Variants in ZNF100 observed in about 807,000 individuals in gnomAD.
ZNF100 encodes the protein zinc finger protein 100 (Y1).
ZNF100 carries 12 observed loss-of-function variants against 15.8 expected under a neutral mutation model. That is an observed-to-expected ratio of 0.76 (90% confidence interval 0.49 to 1.23). The LOEUF (loss-of-function observed/expected upper bound fraction) is 1.23. ZNF100 is among the 50% of genes most tolerant of loss of function. The pLI is 0.00. For synonymous variants in ZNF100, 226 were observed against 214.8 expected, an observed-to-expected ratio of 1.05 and a Z score of -0.45; for missense variants, 670 against 635.6, an observed-to-expected ratio of 1.05 and a Z score of -0.58.
At position 21,726,525 on chromosome 19, in the gene ZNF100, A is replaced by G. The variant is rs181951395; in HGVS notation, c.*158T>C. 144 of 680,044 alleles carry G rather than the reference A, an allele frequency of 2.1e-4. No individual in the cohort carries two copies. Among genetic ancestry groups the G allele is most frequent in the Admixed American group, 9.0e-4 (27 of 29,972 alleles). The allele number at this position is 680,044 out of a possible 1,614,324, so 42.1% of individuals were successfully genotyped here. A position where few individuals can be genotyped will look rare whatever the true frequency, so the allele number is the denominator to read the frequency against. ...GCACTGTCACATCTTTCTGGTTTGTAGAATTTCTCTCTAGTATGAATTATC... is the reference window on the plus strand; with the variant it reads ...GCACTGTCACATCTTTCTGGTTTGTGGAATTTCTCTCTAGTATGAATTATC... On this transcript the variant is annotated 3_prime_UTR_variant, in exon 5 of 5. Coordinates refer to ENST00000358296, the MANE Select transcript of ZNF100 (RefSeq NM_173531.4).
intron 2 of ZNF100, chr19:21,752,540 C>T (rs2036325611): frequency 6.7e-6 from 1 of 148,316 alleles, no homozygotes. Flanking sequence ...AGCATTTTAG[C>T]ATGTCTGCGG....
At chr19:21,758,353 A>C (rs1220773585) in intron 2 of ZNF100, among the ~76,000 whole-genome samples, 1 of 151,892 alleles carries the variant, frequency 6.6e-6, no homozygotes, top group Non-Finnish European at 1.5e-5. Flanking sequence ...GTGACAAAAT[A>C]ATCTACACCA....
chr19:21,745,615 T>C (rs910839502), intron 2 of ZNF100, among the ~76,000 whole-genome samples: 49 of 152,064 alleles, frequency 3.2e-4, no homozygotes, highest in South Asian at 1.2e-3. Context: ...CTCCGCTTCC[T>C]GGGTTCACGC....
chr19:21,732,608 C>G (rs1297830873), intron 4 of ZNF100, among the ~76,000 whole-genome samples: 1 of 150,052 alleles, frequency 6.7e-6, no homozygotes, highest in Non-Finnish European at 1.5e-5. Flanking sequence ...CCTTAAAATA[C>G]ATAACACAAT....
chr19:21,733,986 G>A (rs1298624273), intron 4 of ZNF100, among the ~76,000 whole-genome samples: 1 of 152,204 alleles, frequency 6.6e-6, no homozygotes, highest in Non-Finnish European at 1.5e-5. Context: ...AGACGGGCCT[G>A]ACTGTTAAAG....
At chr19:21,729,772 G>A (rs1183996541) in intron 4 of ZNF100, among the ~76,000 whole-genome samples, 2 of 151,472 alleles carry the variant, frequency 1.3e-5, no homozygotes, top group Non-Finnish European at 2.9e-5. Context: ...GAAAATCAGA[G>A]AAATCATTAT....
chr19:21,746,003 G>A (rs1230009510), intron 2 of ZNF100, among the ~76,000 whole-genome samples: 1 of 152,182 alleles, frequency 6.6e-6, no homozygotes, highest in African/African-American at 2.4e-5. Context: ...AGAAAAAAGG[G>A]CAGCTGCCAG....
chr19:21,726,535 T>A lies in ZNF100; in HGVS notation c.*148A>T. ...ATCTTTCTGGTTTGTAGAATTTCTC[T>A]CTAGTATGAATTATCTTATGTCTGT... On this transcript the variant is annotated 3_prime_UTR_variant, in exon 5 of 5. Coordinates refer to ENST00000358296, the MANE Select transcript of ZNF100 (RefSeq NM_173531.4). The A allele has an allele frequency of 1.4e-6, 1 of 722,174 alleles. No individual in the cohort carries two copies. Among genetic ancestry groups the A allele is most frequent in the Non-Finnish European group, 2.2e-6 (1 of 463,794 alleles). 44.7% of individuals were successfully genotyped at this position (722,174 alleles called of 1,614,324 possible).
rs1310374576 is a variant in ZNF100 at position 21,722,994 on chromosome 19, A to G, written c.*3689T>C. The G allele has an allele frequency of 3.3e-5, 5 of 151,952 alleles. No individual in the cohort carries two copies. Among genetic ancestry groups the G allele is most frequent in the Non-Finnish European group, 1.5e-5 (1 of 67,988 alleles). The allele number at this position is 151,952 out of a possible 1,614,324, so 9.4% of individuals were successfully genotyped here. On this transcript the variant is annotated 3_prime_UTR_variant, in exon 5 of 5. Coordinates refer to ENST00000358296, the MANE Select transcript of ZNF100 (RefSeq NM_173531.4). ...GACAATGTATGCTTTTATCTTAACT[A>G]ATCCGAAAGTTATATTGATAACCAA... is the stretch of plus-strand genomic sequence containing the variant.
chr19:21,743,887 A>T (rs1248951814), intron 4 of ZNF100, 130 bp downstream of exon 4: 16 of 1,035,810 alleles, frequency 1.5e-5, no homozygotes. Context: ...CCAAAAAACA[A>T]AAACACTCAG....
At chr19:21,760,581 ATTT>A (rs200730962) in intron 2 of ZNF100, among the ~76,000 whole-genome samples, 21 of 148,832 alleles carry the variant, frequency 1.4e-4, no homozygotes, top group African/African-American at 5.2e-4. Flanking sequence ...TTCCTTGTCA[ATTT>A]TTTTTTTACT....
chr19:21,759,800 C>T (rs540653151), intron 2 of ZNF100, among the ~76,000 whole-genome samples: 1 of 152,332 alleles, frequency 6.6e-6, no homozygotes, highest in Non-Finnish European at 1.5e-5. Flanking sequence ...AAATATTCCA[C>T]TTCTTGTTTA....
At chr19:21,756,894 T>C (rs1008104968) in intron 2 of ZNF100, among the ~76,000 whole-genome samples, 3 of 152,134 alleles carry the variant, frequency 2.0e-5, no homozygotes, top group Admixed American at 2.0e-4. Context: ...AAGAGATGCA[T>C]AGAAAAATGC....
Position 21,724,562 on chromosome 19 carries a change from T to C in ZNF100, c.*2121A>G, listed in dbSNP as rs1307996772. 2 of 152,172 alleles carry C rather than the reference T, an allele frequency of 1.3e-5. No individual in the cohort carries two copies. The highest frequency in any genetic ancestry group is 1.5e-5 in the Non-Finnish European group (1 of 68,028). 9.4% of individuals were successfully genotyped at this position (152,172 alleles called of 1,614,324 possible). A position where few individuals can be genotyped will look rare whatever the true frequency, so the allele number is the denominator to read the frequency against. ...CACTGTAATCAATAACAATTTAATT[T>C]TACATTTTAAAATAACTAAAAGTAT... On this transcript the variant is annotated 3_prime_UTR_variant, in exon 5 of 5. Coordinates refer to ENST00000358296, the MANE Select transcript of ZNF100 (RefSeq NM_173531.4).
chr19:21,733,309 AAC>A (rs201545367), intron 4 of ZNF100, among the ~76,000 whole-genome samples: 1 of 132,794 alleles, frequency 7.5e-6, no homozygotes, highest in African/African-American at 2.9e-5. Context: ...TAATATTAAT[AAC>A]AAATTGGAAA....
At chr19:21,730,463 T>A (rs2035895879) in intron 4 of ZNF100, among the ~76,000 whole-genome samples, 1 of 152,028 alleles carries the variant, frequency 6.6e-6, no homozygotes, top group African/African-American at 2.4e-5. Context: ...TGTGTGTGTG[T>A]GTGTGTGTGT....
At chr19:21,760,037 CT>C (rs769534058) in intron 2 of ZNF100, among the ~76,000 whole-genome samples, 1 of 151,734 alleles carries the variant, frequency 6.6e-6, no homozygotes, top group Admixed American at 6.6e-5. Context: ...ATAAAATTAG[CT>C]GGGCGTGGTG....
intron 2 of ZNF100, chr19:21,750,900 G>T: frequency 1.7e-6 from 1 of 588,514 alleles, no homozygotes; most frequent in South Asian, 2.3e-5. Context: ...CTCAAGCTGG[G>T]CCGGTGCGTG....
chr19:21,734,802 C>G (rs980269082), intron 4 of ZNF100, among the ~76,000 whole-genome samples: 1 of 152,076 alleles, frequency 6.6e-6, no homozygotes, highest in Non-Finnish European at 1.5e-5. Flanking sequence ...ATAAGGACAG[C>G]CAACCGGAAG....
Sources: allele counts gnomAD v4.1 joint callset (sites outside exome capture counted in the v4.1 genomes callset), GRCh38; gene constraint gnomAD v4.1.1; transcripts MANE v1.5; gene names NCBI Gene and HGNC (gene_info 2026-07-23, HGNC 2026-07-21).